Variants in HELLS observed in about 807,000 individuals in gnomAD.
HELLS encodes the protein lymphoid-specific helicase.
In HELLS, 32 loss-of-function variants were observed where a neutral mutation model predicts 120.0. The ratio of observed to expected loss-of-function variants is 0.27; its 90% CI spans 0.20 to 0.36. HELLS has a LOEUF of 0.36. Among genes scored for constraint, HELLS ranks in the 10% least tolerant of loss-of-function variants. The probability of loss-of-function intolerance (pLI) is 1.00; values close to 1 mark genes in which losing one functional copy is unlikely to be tolerated. For missense variants in HELLS, 650 were observed against 993.4 expected, an observed-to-expected ratio of 0.65 and a Z score of 4.65; for synonymous variants, 341 against 323.4, an observed-to-expected ratio of 1.05 and a Z score of -0.58.
chr10:94,548,954 A>G (rs1261118571), intron 2 of HELLS, among the ~76,000 whole-genome samples: 1 of 152,186 alleles, frequency 6.6e-6, no homozygotes, highest in Non-Finnish European at 1.5e-5. Context: ...AGATGGCATC[A>G]CTGCACTCCA....
intron 9 of HELLS, among the ~76,000 whole-genome samples, chr10:94,576,074 A>G (rs1484956127): frequency 6.6e-6 from 1 of 151,526 alleles, no homozygotes; most frequent in African/African-American, 2.4e-5. Flanking sequence ...TGGGGATTAC[A>G]GGTATGAGCC....
intron 6 of HELLS, among the ~76,000 whole-genome samples, chr10:94,565,058 C>A (rs533043311): frequency 2.0e-5 from 3 of 152,122 alleles, no homozygotes; most frequent in African/African-American, 7.2e-5. Context: ...GTCAGGGGGC[C>A]GGGAGCAGTG....
exon 10 of HELLS, chr10:94,613,775 G>A (rs1407644011): frequency 6.6e-6 from 1 of 152,074 alleles, no homozygotes; most frequent in Non-Finnish European, 1.5e-5. Flanking sequence ...TTGCATCTTT[G>A]TGGCCTAGTA....
downstream of HELLS, among the ~76,000 whole-genome samples, chr10:94,602,799 T>C (rs114207231): frequency 4.0e-3 from 611 of 152,290 alleles, 5 homozygotes; most frequent in African/African-American, 0.014. Context: ...TTTGGTTAAA[T>C]AAAAGACTAT....
Position 94,596,138 on chromosome 10 carries a change from GT to G in HELLS, c.2249-721del, listed in dbSNP as rs575149823. ...GCTCAGCCCTATTTTCGATTTTTTAGTAGATTAATTTTGTAGAAAATTTTGA... is the reference window on the plus strand; with the variant it reads ...GCTCAGCCCTATTTTCGATTTTTTAGAGATTAATTTTGTAGAAAATTTTGA... On this transcript the variant is annotated intron_variant, in intron 19 of 21. Transcript: ENST00000348459. Among the ~76,000 whole-genome samples the G allele has an allele frequency of 1.5e-3, 235 of 152,144 alleles. 1 individual carries two copies. The highest frequency in any genetic ancestry group is 2.7e-3 in the Non-Finnish European group (186 of 68,014).
In HELLS at chr10:94,559,196, A is replaced by G. The variant is rs1843424857; in HGVS notation, c.333+1001A>G. ...GCTGTTCTTTGTTTTCTGCTACCAT[A>G]TGTATGTCAAGCATATATCCTTTTC... On this transcript the variant is annotated intron_variant, in intron 4 of 21. Coordinates refer to ENST00000348459, the MANE Select transcript of HELLS (RefSeq NM_018063.5). 2.6e-5 allele frequency among the ~76,000 whole-genome samples: 4 copies of G among 152,142 alleles called. No homozygotes were observed. The South Asian group carries it at 8.3e-4, about 31-fold the overall frequency.
intron 19 of HELLS, 86 bp downstream of exon 19, chr10:94,594,940 A>G: frequency 9.5e-7 from 1 of 1,053,860 alleles, no homozygotes; most frequent in South Asian, 1.6e-5. Flanking sequence ...ATAAAATATT[A>G]CAGCCTGGGC....
chr10:94,565,289 G>A (rs1396973210), intron 6 of HELLS, among the ~76,000 whole-genome samples: 1 of 152,122 alleles, frequency 6.6e-6, no homozygotes, highest in East Asian at 1.9e-4. Context: ...GAGCTGAGAT[G>A]ATGCCACTGC....
intron 3 of HELLS, among the ~76,000 whole-genome samples, chr10:94,556,441 A>G (rs1843268833): frequency 1.3e-5 from 2 of 152,182 alleles, no homozygotes; most frequent in African/African-American, 4.8e-5. Context: ...CCATTAAGAA[A>G]TGTCGTTATT....
intron 21 of HELLS, among the ~76,000 whole-genome samples, chr10:94,599,298 G>C (rs928366465): frequency 3.3e-5 from 5 of 152,162 alleles, no homozygotes; most frequent in Non-Finnish European, 7.4e-5. Flanking sequence ...TGGAGAACTA[G>C]ATGATCACCT....
chr10:94,594,922 TTTTG>T, intron 19 of HELLS, 68 bp downstream of exon 19: 2 of 1,251,710 alleles, frequency 1.6e-6, no homozygotes, highest in African/African-American at 1.5e-5. Context: ...TTTGTTTTTA[TTTTG>T]TTTATAAAAT....
At position 94,558,206 on chromosome 10, in the gene HELLS, C is replaced by T; in HGVS notation, c.333+11C>T. 1 of 1,543,194 alleles carries T rather than the reference C, an allele frequency of 6.5e-7. No individual in the cohort carries two copies. The highest frequency in any genetic ancestry group is 8.7e-7 in the Non-Finnish European group (1 of 1,154,006). ...TTAAAAGTTAAAAAGGTAATATAGC[C>T]AGCCGGAATATTTTTTATGTCATTT... On this transcript the variant is annotated intron_variant, in intron 4 of 21. Transcript: ENST00000348459.
intron 3 of HELLS, among the ~76,000 whole-genome samples, chr10:94,554,831 C>T (rs559061375): frequency 6.6e-6 from 1 of 152,038 alleles, no homozygotes; most frequent in Non-Finnish European, 1.5e-5. Context: ...TTGAATCAAT[C>T]ACGTCTATGT....
chr10:94,596,829 T>A (rs1027077732), intron 19 of HELLS, 31 bp from the exon 20 acceptor site: 19 of 1,121,844 alleles, frequency 1.7e-5, no homozygotes, highest in Non-Finnish European at 2.5e-5. Context: ...TAAAAGGAAT[T>A]TTAATGTTTT....
chr10:94,586,424 C>G (rs762850571), intron 12 of HELLS, among the ~76,000 whole-genome samples: 11 of 152,092 alleles, frequency 7.2e-5, no homozygotes, highest in Non-Finnish European at 1.3e-4. Flanking sequence ...CCCGGCCGGA[C>G]ATGTTTTAAC....
intron 9 of HELLS, among the ~76,000 whole-genome samples, chr10:94,609,577 CCT>C (rs528676102): frequency 6.6e-6 from 1 of 152,138 alleles, no homozygotes. Context: ...GTATATCTTG[CCT>C]CTCTTAAGTC....
chr10:94,566,510 G>T (rs949254101), intron 6 of HELLS, among the ~76,000 whole-genome samples: 16 of 152,172 alleles, frequency 1.1e-4, no homozygotes, highest in African/African-American at 3.4e-4. Flanking sequence ...GTCGATGTAA[G>T]CATGGTCAGG....
In HELLS at chr10:94,594,118, A is replaced by G. The variant is rs1279507453; in HGVS notation, c.2088+503A>G. ...GTACATGTTACAAATTTACTTATCT[A>G]TTTTGAAAAGATACCCATTTTCAGC... On this transcript the variant is annotated intron_variant, in intron 18 of 21. Coordinates refer to ENST00000348459, the MANE Select transcript of HELLS (RefSeq NM_018063.5). 2.0e-5 allele frequency among the ~76,000 whole-genome samples: 3 copies of G among 151,820 alleles called. 1 individual carries two copies. Among genetic ancestry groups the G allele is most frequent in the South Asian group, 2.1e-4 (1 of 4,822 alleles).
intron 1 of HELLS, 115 bp from the exon 2 acceptor site, chr10:94,546,262 G>A (rs1842747789): frequency 8.0e-7 from 1 of 1,252,036 alleles, no homozygotes; most frequent in Admixed American, 1.9e-5. Context: ...GCGTCCCCTC[G>A]GTCTTCAGCT....
Sources: allele counts gnomAD v4.1 joint callset (sites outside exome capture counted in the v4.1 genomes callset), GRCh38; gene constraint gnomAD v4.1.1; transcripts MANE v1.5; gene names NCBI Gene and HGNC (gene_info 2026-07-23, HGNC 2026-07-21).